The following SEMA4D variants were observed in gnomAD, a reference collection of about 807,000 sequenced individuals.
The protein encoded by SEMA4D is semaphorin-4D.
Under a neutral mutation model 74.8 loss-of-function variants are expected in SEMA4D, and 22 were observed. The observed-to-expected ratio is 0.29, with a 90% CI of 0.21 to 0.42. The LOEUF (loss-of-function observed/expected upper bound fraction) is 0.42, where lower values mean the gene tolerates loss of function less well. SEMA4D is among the 10% of genes least tolerant of loss of function. The pLI is 1.00. For missense variants in SEMA4D, 937 were observed against 1,118.4 expected, an observed-to-expected ratio of 0.84 and a Z score of 2.31; for synonymous variants, 445 against 463.7, an observed-to-expected ratio of 0.96 and a Z score of 0.52.
chr9:89,438,964 CTTT>C (rs57394947), intron 2 of SEMA4D, among the ~76,000 whole-genome samples: 194 of 38,052 alleles, frequency 5.1e-3, no homozygotes, highest in Non-Finnish European at 7.0e-3. Context: ...CGCACCGGGC[CTTT>C]TTTTTTTTTT....
rs1342576787 is a variant in SEMA4D at position 89,381,475 on chromosome 9, G to A, written c.1447-129C>T. On this transcript the variant is annotated intron_variant, in intron 13 of 15. Coordinates refer to ENST00000422704, the MANE Select transcript of SEMA4D (RefSeq NM_001371194.2). The surrounding 1 kb of genome is among the most constrained non-coding windows in gnomAD (Gnocchi z 4.6). The stretch of plus-strand genomic sequence containing the variant: ...TCAGGGGACATTGCAGTAAGGAGGA[G>A]AGGTACTCAGAACCAGAGGCAAACA... 2 of 888,394 alleles carry A rather than the reference G, an allele frequency of 2.3e-6. No homozygotes were observed. Among genetic ancestry groups the A allele is most frequent in the East Asian group, 2.7e-5 (1 of 36,656 alleles). 55.0% of individuals were successfully genotyped at this position (888,394 alleles called of 1,614,324 possible). A position where few individuals can be genotyped will look rare whatever the true frequency, so the allele number is the denominator to read the frequency against.
At chr9:89,473,866 A>G (rs1861082886) in intron 1 of SEMA4D, among the ~76,000 whole-genome samples, 1 of 152,160 alleles carries the variant, frequency 6.6e-6, no homozygotes, top group Non-Finnish European at 1.5e-5. Flanking sequence ...AAAACAAAAC[A>G]AAACAAACAA....
intron 1 of SEMA4D, among the ~76,000 whole-genome samples, chr9:89,478,766 A>G (rs949638885): frequency 1.3e-5 from 1 of 77,008 alleles, no homozygotes; most frequent in Non-Finnish European, 2.7e-5. Flanking sequence ...CTCATCCTCC[A>G]CCCCACCCCA....
chr9:89,424,546 C>CT (rs199731851), intron 2 of SEMA4D, among the ~76,000 whole-genome samples: 3,329 of 152,086 alleles, frequency 0.022, 51 homozygotes, highest in Non-Finnish European at 0.035. Context: ...CCTTCGAGCT[C>CT]TTTTTTTTCA....
At chr9:89,464,697 C>G (rs565762215) in intron 1 of SEMA4D, among the ~76,000 whole-genome samples, 5 of 152,308 alleles carry the variant, frequency 3.3e-5, no homozygotes, top group Admixed American at 3.3e-4. Flanking sequence ...TCACAGAGGT[C>G]AACCATCAGA....
At chr9:89,470,954 C>G (rs1163986495) in intron 1 of SEMA4D, among the ~76,000 whole-genome samples, 2 of 152,158 alleles carry the variant, frequency 1.3e-5, no homozygotes, top group Non-Finnish European at 1.5e-5. Flanking sequence ...TCTCTGTATT[C>G]TAACTGTGGT....
intron 7 of SEMA4D, 66 bp from the exon 8 acceptor site, chr9:89,392,602 G>A: frequency 2.1e-6 from 2 of 966,818 alleles, no homozygotes; most frequent in South Asian, 2.6e-5. Context: ...CCAACACTGG[G>A]ACAAACATTC....
At chr9:89,433,049 T>C in intron 2 of SEMA4D, among the ~76,000 whole-genome samples, 1 of 152,208 alleles carries the variant, frequency 6.6e-6, no homozygotes, top group African/African-American at 2.4e-5. Flanking sequence ...TCTTCGGGTG[T>C]GCACAATGGT....
intron 2 of SEMA4D, among the ~76,000 whole-genome samples, chr9:89,427,868 G>GC (rs1848429787): frequency 6.6e-6 from 1 of 152,148 alleles, no homozygotes; most frequent in African/African-American, 2.4e-5. Context: ...GTCACTCATT[G>GC]CCCCCCACAC....
intron 2 of SEMA4D, among the ~76,000 whole-genome samples, chr9:89,452,809 T>A (rs1854933453): frequency 1.3e-5 from 2 of 152,218 alleles, no homozygotes; most frequent in Non-Finnish European, 2.9e-5. Flanking sequence ...TCCTCTGAAG[T>A]GACCTGCTGC....
chr9:89,409,170 C>G (rs1843965896), intron 2 of SEMA4D, among the ~76,000 whole-genome samples: 1 of 152,198 alleles, frequency 6.6e-6, no homozygotes, highest in Non-Finnish European at 1.5e-5. Context: ...GAGAAAGAAG[C>G]CAATCTGTAG....
intron 13 of SEMA4D, chr9:89,384,698 G>C (rs1019574246): frequency 1.0e-6 from 1 of 985,012 alleles, no homozygotes. Flanking sequence ...TCAGGGGAGA[G>C]GAGGTGAGGG....
chr9:89,459,279 G>A (rs1406067484), intron 1 of SEMA4D, among the ~76,000 whole-genome samples: 5 of 152,256 alleles, frequency 3.3e-5, no homozygotes, highest in East Asian at 3.9e-4. Flanking sequence ...CATTTCTAAT[G>A]GGCCCTCAGG....
chr9:89,406,361 T>C (rs1843331605), intron 2 of SEMA4D, among the ~76,000 whole-genome samples: 1 of 152,210 alleles, frequency 6.6e-6, no homozygotes, highest in Non-Finnish European at 1.5e-5. Context: ...GAAATGGTGG[T>C]AACTCACTCT....
chr9:89,491,994 G>T (rs1825667947), intron 1 of SEMA4D, among the ~76,000 whole-genome samples: 1 of 151,862 alleles, frequency 6.6e-6, no homozygotes, highest in Non-Finnish European at 1.5e-5. Context: ...CTCCCACTCT[G>T]CTCCATCCTT....
At chr9:89,424,304 G>C (rs1157462812) in intron 2 of SEMA4D, among the ~76,000 whole-genome samples, 1 of 152,186 alleles carries the variant, frequency 6.6e-6, no homozygotes, top group African/African-American at 2.4e-5. Context: ...CCACACCAAG[G>C]TGCGGAAAGG....
chr9:89,376,373 T>A (rs896856845), downstream of SEMA4D: 6 of 147,772 alleles, frequency 4.1e-5, no homozygotes, highest in Non-Finnish European at 7.5e-5. Flanking sequence ...CTCTTGAAAT[T>A]TTTTTTTTTT....
chr9:89,428,012 C>T (rs1432731637), intron 2 of SEMA4D, among the ~76,000 whole-genome samples: 3 of 152,186 alleles, frequency 2.0e-5, no homozygotes, highest in Non-Finnish European at 2.9e-5. Flanking sequence ...GTGGAGGGCC[C>T]GCCTGGCCCT....
chr9:89,371,982 CTG>C (rs1835025833), intron 16 of SEMA4D, among the ~76,000 whole-genome samples: 1 of 3,372 alleles, frequency 3.0e-4, no homozygotes, highest in South Asian at 7.0e-3. Context: ...TGGTGTGTGT[CTG>C]GGGTGTGGTG....
Sources: gnomAD v4.1 joint callset for allele counts (sites outside exome capture counted in the v4.1 genomes callset) on GRCh38, gnomAD v4.1.1 for gene constraint, Gnocchi (gnomAD v3.1) non-coding constraint, MANE v1.5 for transcripts, NCBI Gene and HGNC (gene_info 2026-07-23, HGNC 2026-07-21) for gene names.